The following MYPN variants were observed in gnomAD, a reference collection of about 807,000 sequenced individuals.
MYPN encodes myopalladin, also known as sarcomeric protein myopalladin, 145 kDa (MYOP).
A neutral mutation model predicts 129.4 loss-of-function variants in MYPN; 63 were observed. The ratio of observed to expected loss-of-function variants is 0.49; its 90% CI spans 0.40 to 0.60. The LOEUF (loss-of-function observed/expected upper bound fraction) is 0.60, where lower values mean the gene tolerates loss of function less well. MYPN is among the 20% of genes least tolerant of loss of function. The probability of loss-of-function intolerance (pLI) is 0.00; values close to 1 mark genes in which losing one functional copy is unlikely to be tolerated. For missense variants in MYPN, 1,596 were observed against 1,635.4 expected, an observed-to-expected ratio of 0.98 and a Z score of 0.42; for synonymous variants, 629 against 600.9, an observed-to-expected ratio of 1.05 and a Z score of -0.68.
At chr10:68,136,238 T>G (rs1227603891) in intron 2 of MYPN, 1 of 986,524 alleles carries the variant, frequency 1.0e-6, no homozygotes, top group Non-Finnish European at 1.2e-6. Context: ...TGAGCAGATC[T>G]GGCAAGCCAT....
intron 6 of MYPN, among the ~76,000 whole-genome samples, chr10:68,155,796 G>C (rs1308575180): frequency 6.6e-6 from 1 of 152,156 alleles, no homozygotes; most frequent in Non-Finnish European, 1.5e-5. Flanking sequence ...AGTTTTCTAA[G>C]TGGCTTGTGA....
At chr10:68,136,698 C>T in intron 2 of MYPN, 1 of 1,535,370 alleles carries the variant, frequency 6.5e-7, no homozygotes, top group East Asian at 2.4e-5. Flanking sequence ...TTCTGGCTAT[C>T]CAATTGCTCA....
At chr10:68,190,246 G>A (rs988333409) in intron 13 of MYPN, among the ~76,000 whole-genome samples, 14 of 152,152 alleles carry the variant, frequency 9.2e-5, no homozygotes, top group Admixed American at 9.2e-4. Flanking sequence ...GAGTGTGGTG[G>A]CACAGTCTTG....
intron 4 of MYPN, among the ~76,000 whole-genome samples, chr10:68,147,204 G>T (rs1018949558): frequency 1.3e-5 from 2 of 152,122 alleles, no homozygotes; most frequent in Admixed American, 1.3e-4. Flanking sequence ...GCCCAGGCTA[G>T]AGTGCTGTAG....
intron 2 of MYPN, among the ~76,000 whole-genome samples, chr10:68,138,486 G>T (rs1203981919): frequency 6.7e-6 from 1 of 149,746 alleles, no homozygotes; most frequent in Admixed American, 6.7e-5. Flanking sequence ...AATCAGTTTT[G>T]CAACAGTGCT....
intron 2 of MYPN, among the ~76,000 whole-genome samples, chr10:68,138,976 C>T (rs1285592630): frequency 2.6e-5 from 4 of 152,166 alleles, no homozygotes; most frequent in Admixed American, 6.5e-5. Flanking sequence ...TCTTAATCCT[C>T]CAACAGATTT....
At chr10:68,115,753 T>G (rs1353827544) in intron 1 of MYPN, among the ~76,000 whole-genome samples, 3 of 152,242 alleles carry the variant, frequency 2.0e-5, no homozygotes, top group Non-Finnish European at 2.9e-5. Flanking sequence ...CTGCAAGACC[T>G]TAAATGATCT....
In MYPN at chr10:68,197,388, C is replaced by A. The variant is rs776226301; in HGVS notation, c.3195C>A (p.Pro1065=). The A allele has an allele frequency of 1.2e-6, 2 of 1,613,896 alleles. No individual in the cohort carries two copies. Among genetic ancestry groups the A allele is most frequent in the Non-Finnish European group, 1.7e-6 (2 of 1,179,908 alleles). ...RSRVQERDKE[P]LQERFFRPHF... is the part of the protein sequence containing the mutation. The stretch of plus-strand genomic sequence containing the variant: ...GAGTGCAAGAAAGAGACAAAGAGCC[C>A]CTACAGGAACGCTTTTTCCGACCAC... Residue 1065 remains proline, a synonymous_variant, in exon 16 of 20, where the codon CCC becomes CCA. Coordinates refer to ENST00000358913, the MANE Select transcript of MYPN (RefSeq NM_032578.4).
intron 2 of MYPN, among the ~76,000 whole-genome samples, chr10:68,130,226 G>A (rs554089033): frequency 8.5e-5 from 13 of 152,070 alleles, no homozygotes; most frequent in African/African-American, 1.9e-4. Context: ...TTGGGAGGCC[G>A]AGGCAGGCGG....
chr10:68,088,652 A>C (rs2041917490), intron 1 of MYPN, among the ~76,000 whole-genome samples: 1 of 152,224 alleles, frequency 6.6e-6, no homozygotes, highest in Non-Finnish European at 1.5e-5. Flanking sequence ...CATTAATGGT[A>C]AAAACCTTCC....
rs531626821 is a variant in MYPN, at chr10:68,192,588, A to G, written c.2926-1775A>G. 2.1e-4 allele frequency among the ~76,000 whole-genome samples: 32 copies of G among 152,294 alleles called. 1 individual carries two copies. The highest frequency in any genetic ancestry group is 9.8e-4 in the Admixed American group (15 of 15,284). ...TTGAAATAGTTTGAGTAGAATTGAT[A>G]TTAGTTCTTCTTTAAATGTTTGGTA... On this transcript the variant is annotated intron_variant, in intron 13 of 19. Transcript: ENST00000358913.
At chr10:68,195,061 T>A (rs1458833557) in intron 14 of MYPN, among the ~76,000 whole-genome samples, 1 of 152,228 alleles carries the variant, frequency 6.6e-6, no homozygotes, top group African/African-American at 2.4e-5. Context: ...ACTATTTGAA[T>A]AGGAAGTACA....
At chr10:68,129,099 C>T (rs948195698) in intron 2 of MYPN, among the ~76,000 whole-genome samples, 6 of 151,920 alleles carry the variant, frequency 3.9e-5, no homozygotes, top group South Asian at 2.1e-4. Flanking sequence ...GGACCAGCAG[C>T]GTCAGCTTCA....
intron 1 of MYPN, among the ~76,000 whole-genome samples, chr10:68,092,357 T>A (rs936902429): frequency 2.0e-5 from 3 of 151,998 alleles, no homozygotes; most frequent in Admixed American, 6.5e-5. Context: ...TAGCCGGGCA[T>A]GGTGGCAGGC....
chr10:68,133,463 T>C lies in MYPN; in HGVS notation c.903-9477T>C, dbSNP rs1037647009. Among the ~76,000 whole-genome samples the C allele has an allele frequency of 3.9e-5, 6 of 152,012 alleles. No homozygotes were observed. The East Asian group carries it at 1.2e-3, about 29-fold the overall frequency. On this transcript the variant is annotated intron_variant, in intron 2 of 19. Coordinates refer to ENST00000358913, the MANE Select transcript of MYPN (RefSeq NM_032578.4). ...AATAATGCAAATTGTAAATATGCAA[T>C]TGGGTACAGGGCTTTGGAAGGGAGC...
At chr10:68,119,004 T>C (rs1302885885) in intron 1 of MYPN, among the ~76,000 whole-genome samples, 1 of 151,408 alleles carries the variant, frequency 6.6e-6, no homozygotes, top group East Asian at 1.9e-4. Context: ...GCACTTAATT[T>C]CCCCCCCATC....
chr10:68,116,952 G>T (rs2042166166), intron 1 of MYPN, among the ~76,000 whole-genome samples: 2 of 152,050 alleles, frequency 1.3e-5, no homozygotes, highest in Admixed American at 6.6e-5. Flanking sequence ...GGACATGGTG[G>T]CTCATACCTG....
At chr10:68,114,297 G>A (rs1374692660) in intron 1 of MYPN, 1 of 151,094 alleles carries the variant, frequency 6.6e-6, no homozygotes, top group African/African-American at 2.4e-5. Context: ...ATGTCCAAAG[G>A]TATCAGCCTC....
chr10:68,169,378 AG>A (rs200356069), intron 10 of MYPN, among the ~76,000 whole-genome samples: 23,816 of 128,100 alleles, frequency 0.19, 2,276 homozygotes, highest in Middle Eastern at 0.24. Context: ...AAAAAAAAAA[AG>A]AAGTGACTTC....
Sources: gnomAD v4.1 joint callset for allele counts (sites outside exome capture counted in the v4.1 genomes callset) on GRCh38, gnomAD v4.1.1 for gene constraint, MANE v1.5 for transcripts, NCBI Gene and HGNC (gene_info 2026-07-23, HGNC 2026-07-21) for gene names.